Variants in EPS8 observed in about 807,000 individuals in gnomAD.
EPS8 encodes the protein EGFR pathway substrate 8, signaling adaptor.
In EPS8, 42 loss-of-function variants were observed where a neutral mutation model predicts 103.8. That is an observed-to-expected ratio of 0.40 (90% CI 0.32 to 0.52). The LOEUF (loss-of-function observed/expected upper bound fraction) is 0.52. EPS8 is among the 20% of genes least tolerant of loss of function. The pLI is 0.40. For missense variants in EPS8, 969 were observed against 1,005.1 expected, an observed-to-expected ratio of 0.96 and a Z score of 0.49; for synonymous variants, 344 against 344.6, an observed-to-expected ratio of 1.00 and a Z score of 0.02.
intron 1 of EPS8, among the ~76,000 whole-genome samples, chr12:15,685,417 A>C (rs1946078762): frequency 6.6e-6 from 1 of 151,902 alleles, no homozygotes; most frequent in African/African-American, 2.4e-5. Context: ...TATAAATTAA[A>C]CCCCCAGGGT....
At chr12:15,739,810 C>A (rs576662952) in intron 1 of EPS8, among the ~76,000 whole-genome samples, 5 of 152,194 alleles carry the variant, frequency 3.3e-5, no homozygotes, top group Admixed American at 1.3e-4. Flanking sequence ...AAATAGATAT[C>A]CTATTATTTC....
chr12:15,730,549 G>C (rs1282936853), intron 1 of EPS8, among the ~76,000 whole-genome samples: 1 of 152,146 alleles, frequency 6.6e-6, no homozygotes, highest in African/African-American at 2.4e-5. Context: ...TTGTCTGCAG[G>C]CAGCTTAAAA....
chr12:15,691,802 C>T (rs1229298212), intron 1 of EPS8, among the ~76,000 whole-genome samples: 1 of 151,980 alleles, frequency 6.6e-6, no homozygotes, highest in Admixed American at 6.6e-5. Flanking sequence ...ACTAAGAATA[C>T]CCTTCCATTT....
chr12:15,678,100 C>T (rs1346678449), intron 3 of EPS8, among the ~76,000 whole-genome samples: 2 of 152,098 alleles, frequency 1.3e-5, no homozygotes, highest in Non-Finnish European at 2.9e-5. Flanking sequence ...ATACTTCTAG[C>T]ATGTGATAAC....
At chr12:15,740,088 G>A (rs889503404) in intron 1 of EPS8, among the ~76,000 whole-genome samples, 5 of 151,886 alleles carry the variant, frequency 3.3e-5, no homozygotes, top group Non-Finnish European at 5.9e-5. Context: ...AGAAAAAATC[G>A]GAGCAGACTA....
intron 1 of EPS8, among the ~76,000 whole-genome samples, chr12:15,740,857 G>A (rs560208423): frequency 6.6e-6 from 1 of 152,296 alleles, no homozygotes; most frequent in Admixed American, 6.5e-5. Flanking sequence ...AATGCATCAT[G>A]TCCACAACCA....
In EPS8 at chr12:15,658,728, C is replaced by T. The variant is rs113349879; in HGVS notation, c.938-143G>A. The T allele has an allele frequency of 4.4e-5, 28 of 630,488 alleles. 1 individual carries two copies. In the African/African-American group the frequency reaches 4.8e-4, roughly 11 times the overall value. 39.1% of individuals were successfully genotyped at this position (630,488 alleles called of 1,614,324 possible). A position where few individuals can be genotyped will look rare whatever the true frequency, so the allele number is the denominator to read the frequency against. On this transcript the variant is annotated intron_variant, in intron 10 of 20. Transcript: ENST00000281172. Reference sequence around the variant, plus strand: ...TAGTTACCGTGCTACATCTCATAGTCTGACTGTAACAAACTGAGAAGATAC... The same window carrying T: ...TAGTTACCGTGCTACATCTCATAGTTTGACTGTAACAAACTGAGAAGATAC...
chr12:15,781,863 C>T lies in EPS8; in HGVS notation c.-22+7298G>A, dbSNP rs1413506745. On this transcript the variant is annotated intron_variant, in intron 1 of 20. Transcript: ENST00000281172. This position sits in a 1 kb window ranked among gnomAD's most constrained non-coding sequence, Gnocchi z 4.1. ...ACAGGGCAAGGGGGCTGAGTGTGCT[C>T]ATGTGCTCACTCAAGTCTCTCTTCC... is the stretch of plus-strand genomic sequence containing the variant. The T allele has an allele frequency of 1.3e-5, 2 of 152,278 alleles. No individual in the cohort carries two copies. 9.4% of individuals were successfully genotyped at this position (152,278 alleles called of 1,614,324 possible).
In EPS8 at chr12:15,654,689, C is replaced by T. The variant is rs12826987; in HGVS notation, c.1102-396G>A. Among the ~76,000 whole-genome samples the T allele has an allele frequency of 6.6e-3, 1,007 of 152,064 alleles. 7 individuals carry two copies. The highest frequency in any genetic ancestry group is 0.012 in the Admixed American group (190 of 15,258). ...TATGCCAAACTTGAAAAATGCGGTT[C>T]CCGAAATGAGTACTATCAAGAGAAA... On this transcript the variant is annotated intron_variant, in intron 12 of 20. Coordinates refer to ENST00000281172, the MANE Select transcript of EPS8 (RefSeq NM_004447.6).
rs140797755 is a variant in EPS8, at chr12:15,647,246, T to G, written c.1449A>C (p.Ser483=). 95 of 1,612,676 alleles carry G rather than the reference T, an allele frequency of 5.9e-5. No individual in the cohort carries two copies. The East Asian group carries it at 2.1e-3, about 36-fold the overall frequency. ...KRLSTEHSSV[S]EYHPADGYAF... The stretch of plus-strand genomic sequence containing the variant: ...CATAGCCATCGGCTGGATGATACTC[T>G]GATACACTGGAATGCTGAAAGACAA... Residue 483 remains serine (S), a synonymous_variant, in exon 15 of 21, where the codon TCA becomes TCC. Transcript: ENST00000281172.
chr12:15,647,606 T>C (rs1027086069), intron 14 of EPS8, among the ~76,000 whole-genome samples: 11 of 152,236 alleles, frequency 7.2e-5, no homozygotes, highest in African/African-American at 1.4e-4. Context: ...CAGAACATTA[T>C]AGTATTTTCA....
rs1200453434 is a variant in EPS8 at position 15,621,418 on chromosome 12, T to C, written c.2368A>G (p.Ser790Gly). 7.5e-6 allele frequency: 12 copies of C among 1,593,020 alleles called. No individual in the cohort carries two copies. In the South Asian group the frequency reaches 1.3e-4, roughly 18 times the overall value. ...QKAALEDSSG[S>G]SELQEIMRRR... ...CTCATAATTTCTTGTAACTCGGAGC[T>C]GCCACTGCTATCCTGAAAGATAAAC... Residue 790 changes from serine (S) to glycine (G), a missense_variant, in exon 21 of 21, where the codon AGC becomes GGC. By Grantham distance (56) the Ser-to-Gly change is moderately conservative. Transcript: ENST00000281172.
intron 1 of EPS8, among the ~76,000 whole-genome samples, chr12:15,729,799 A>G (rs181815254): frequency 2.5e-4 from 38 of 152,266 alleles, no homozygotes; most frequent in Admixed American, 2.5e-3. Context: ...TATGATTTCA[A>G]TCTGTCTAAA....
Position 15,681,226 on chromosome 12 carries a change from C to A in EPS8, c.136G>T (p.Glu46Ter). Reference protein sequence around the residue: ...GSKTSAKALYEQRKNYARDSV... With the variant: ...GSKTSAKALY ...TACCCTATCAAATAAACAAACCTAC[C>A]ATAAAGGGCCTTTGCACTTGTTTTT... is the stretch of plus-strand genomic sequence containing the variant. Residue 46 changes from glutamate (E) to a stop codon, truncating the protein, a stop_gained and splice_region_variant, in exon 3 of 21, where the codon GAA becomes TAA. Transcript: ENST00000281172. LOFTEE classifies it high-confidence loss of function. 1 of 1,536,238 alleles carries A rather than the reference C, an allele frequency of 6.5e-7. No individual in the cohort carries two copies. Among genetic ancestry groups the A allele is most frequent in the Non-Finnish European group, 8.9e-7 (1 of 1,128,462 alleles).
chr12:15,658,851 CA>C (rs1443299420), intron 10 of EPS8, among the ~76,000 whole-genome samples: 3 of 152,204 alleles, frequency 2.0e-5, no homozygotes, highest in African/African-American at 7.2e-5. Flanking sequence ...AGACATTGTG[CA>C]AGTGAGTAAC....
In EPS8 at chr12:15,771,847, G is replaced by A. The variant is rs986021920; in HGVS notation, c.-22+17314C>T. Among the ~76,000 whole-genome samples, 4 of 152,270 alleles carry A rather than the reference G, an allele frequency of 2.6e-5. No individual in the cohort carries two copies. Among genetic ancestry groups the A allele is most frequent in the East Asian group, 1.9e-4 (1 of 5,174 alleles). On this transcript the variant is annotated intron_variant, in intron 1 of 20. Coordinates refer to ENST00000281172, the MANE Select transcript of EPS8 (RefSeq NM_004447.6). This position sits in a 1 kb window ranked among gnomAD's most constrained non-coding sequence, Gnocchi z 4.6. The stretch of plus-strand genomic sequence containing the variant: ...TCAATACAAAAGAAAGGGGAAGGCC[G>A]GGGGCGGTGGCTCATGCCTGTAATC...
intron 1 of EPS8, among the ~76,000 whole-genome samples, chr12:15,741,129 C>T (rs1015705357): frequency 1.3e-5 from 2 of 152,210 alleles, no homozygotes; most frequent in African/African-American, 4.8e-5. Context: ...AGTACAGCTG[C>T]ATAGAGTCGT....
At chr12:15,628,639 T>C (rs1371427799) in intron 18 of EPS8, among the ~76,000 whole-genome samples, 3 of 152,244 alleles carry the variant, frequency 2.0e-5, no homozygotes, top group East Asian at 3.8e-4. Context: ...TTATTTTGAA[T>C]AGGCAACACA....
In EPS8 at chr12:15,667,422, T is replaced by C. The variant is rs549375702; in HGVS notation, c.517-900A>G. Among the ~76,000 whole-genome samples, 20 of 152,256 alleles carry C rather than the reference T, an allele frequency of 1.3e-4. No individual in the cohort carries two copies. In the East Asian group the frequency reaches 3.9e-3, roughly 29 times the overall value. On this transcript the variant is annotated intron_variant, in intron 6 of 20. Coordinates refer to ENST00000281172, the MANE Select transcript of EPS8 (RefSeq NM_004447.6). ...TAAATGAGAGGCCAATGCATCCCAG[T>C]CCAGTGTGACTTCCTAAGAGCATTT...
Sources: allele counts gnomAD v4.1 joint callset (sites outside exome capture counted in the v4.1 genomes callset), GRCh38; gene constraint gnomAD v4.1.1; non-coding constraint Gnocchi (gnomAD v3.1); transcripts MANE v1.5; gene names NCBI Gene and HGNC (gene_info 2026-07-23, HGNC 2026-07-21).